The following KIAA1217 variants were observed in gnomAD, a reference collection of about 807,000 sequenced individuals.
KIAA1217 encodes sickle tail protein homolog.
A neutral mutation model predicts 163.9 loss-of-function variants in KIAA1217; 88 were observed. The observed-to-expected ratio is 0.54, with a 90% CI of 0.45 to 0.64. KIAA1217 has a LOEUF of 0.64. Among genes scored for constraint, KIAA1217 ranks in the 30% least tolerant of loss-of-function variants. KIAA1217 has a pLI of 0.00. For synonymous variants in KIAA1217, 903 were observed against 923.1 expected, an observed-to-expected ratio of 0.98 and a Z score of 0.39; for missense variants, 2,372 against 2,475.0, an observed-to-expected ratio of 0.96 and a Z score of 0.88.
At chr10:23,733,321 A>C (rs1564375038) in intron 1 of KIAA1217, among the ~76,000 whole-genome samples, 1 of 152,160 alleles carries the variant, frequency 6.6e-6, no homozygotes, top group Non-Finnish European at 1.5e-5. Context: ...CCAAAATGTA[A>C]GAATATGTTT....
intron 2 of KIAA1217, among the ~76,000 whole-genome samples, chr10:24,354,394 C>T (rs1232131828): frequency 6.6e-6 from 1 of 152,128 alleles, no homozygotes; most frequent in East Asian, 1.9e-4. Context: ...GGACTCTGGC[C>T]CCACAGTAGC....
Position 23,758,654 on chromosome 10 carries a change from CT to C in KIAA1217, c.-321+63421del, listed in dbSNP as rs1426584002. ...TCTCTCTCTCTCTCTCTCCCCCTCC[CT>C]CCCTCCCTCCCCCTTTTTCTTTCTT... On this transcript the variant is annotated intron_variant, in intron 1 of 18. Coordinates refer to the KIAA1217 transcript ENST00000376462. 1.7e-4 allele frequency among the ~76,000 whole-genome samples: 23 copies of C among 132,672 alleles called. No individual in the cohort carries two copies. The South Asian group carries it at 2.9e-3, about 17-fold the overall frequency. The allele number at this position is 132,672 out of a possible 152,430, so 87.0% of individuals were successfully genotyped here.
intron 2 of KIAA1217, among the ~76,000 whole-genome samples, chr10:24,346,453 C>CAGAGCG (rs2047782555): frequency 1.3e-5 from 2 of 151,474 alleles, no homozygotes; most frequent in African/African-American, 4.9e-5. Flanking sequence ...GCCTGGGGGA[C>CAGAGCG]AGAGCGAGAC....
chr10:24,035,268 A>G (rs1355771251), intron 2 of KIAA1217, among the ~76,000 whole-genome samples: 1 of 152,210 alleles, frequency 6.6e-6, no homozygotes, highest in Non-Finnish European at 1.5e-5. Context: ...AGTGTTGGGC[A>G]TATAGTAAGT....
chr10:24,067,158 C>G (rs910315555), intron 2 of KIAA1217, among the ~76,000 whole-genome samples: 2 of 152,196 alleles, frequency 1.3e-5, no homozygotes, highest in African/African-American at 4.8e-5. Flanking sequence ...AAGTCATTCC[C>G]CGTCCAGCTT....
chr10:23,951,391 C>T (rs898632728), intron 1 of KIAA1217, among the ~76,000 whole-genome samples: 8 of 152,142 alleles, frequency 5.3e-5, no homozygotes, highest in African/African-American at 1.7e-4. Context: ...CAGGGGCTCA[C>T]GCCTGTAATC....
chr10:23,906,391 G>A (rs1842165668), intron 1 of KIAA1217, among the ~76,000 whole-genome samples: 1 of 152,090 alleles, frequency 6.6e-6, no homozygotes, highest in Non-Finnish European at 1.5e-5. Flanking sequence ...ATCCAAATGT[G>A]AAATGGAATG....
chr10:23,736,816 G>T (rs892645370), intron 1 of KIAA1217, among the ~76,000 whole-genome samples: 1 of 151,996 alleles, frequency 6.6e-6, no homozygotes, highest in Non-Finnish European at 1.5e-5. Context: ...ATGGGCCACC[G>T]CACCCGGCCT....
At chr10:23,699,007 T>A (rs1836230220) in intron 1 of KIAA1217, among the ~76,000 whole-genome samples, 1 of 152,214 alleles carries the variant, frequency 6.6e-6, no homozygotes, top group South Asian at 2.1e-4. Flanking sequence ...CTTACAGGCA[T>A]GAGCCACTGC....
At chr10:23,749,833 A>G (rs971236138) in intron 1 of KIAA1217, among the ~76,000 whole-genome samples, 7 of 152,222 alleles carry the variant, frequency 4.6e-5, no homozygotes, top group African/African-American at 2.4e-5. Context: ...TGTGAGGTCC[A>G]GACAGTTATC....
intron 1 of KIAA1217, among the ~76,000 whole-genome samples, chr10:23,906,022 A>G (rs1938045): frequency 0.45 from 68,616 of 151,936 alleles, 19,487 homozygotes; most frequent in African/African-American, 0.81. Flanking sequence ...CTGATTCCAC[A>G]ATGGCCATCT....
chr10:24,122,629 G>C (rs955863826), intron 2 of KIAA1217, among the ~76,000 whole-genome samples: 24 of 151,996 alleles, frequency 1.6e-4, no homozygotes, highest in African/African-American at 5.8e-4. Flanking sequence ...GAATGGATTT[G>C]GGATCATCTT....
chr10:24,066,392 G>T (rs1011213250), intron 2 of KIAA1217, among the ~76,000 whole-genome samples: 23 of 152,188 alleles, frequency 1.5e-4, no homozygotes, highest in African/African-American at 4.3e-4. Flanking sequence ...TATATCTCCT[G>T]CACTTATGAA....
At chr10:23,804,683 A>G (rs749481065) in intron 1 of KIAA1217, among the ~76,000 whole-genome samples, 6 of 152,322 alleles carry the variant, frequency 3.9e-5, no homozygotes, top group Admixed American at 6.5e-5. Flanking sequence ...TGTCTGAAGT[A>G]TATATGCTTT....
intron 2 of KIAA1217, among the ~76,000 whole-genome samples, chr10:24,032,371 C>T (rs1374133589): frequency 1.3e-5 from 2 of 151,786 alleles, no homozygotes; most frequent in Non-Finnish European, 2.9e-5. Context: ...GCATTCTTCC[C>T]ACCTCAGCCT....
At chr10:24,282,050 C>T (rs912192675) in intron 2 of KIAA1217, among the ~76,000 whole-genome samples, 12 of 151,736 alleles carry the variant, frequency 7.9e-5, no homozygotes, top group East Asian at 7.7e-4. Flanking sequence ...GAGCGAGACT[C>T]CATCTCAACA....
chr10:24,510,147 G>A (rs1246758079), intron 9 of KIAA1217, among the ~76,000 whole-genome samples: 1 of 152,072 alleles, frequency 6.6e-6, no homozygotes, highest in Admixed American at 6.5e-5. Context: ...TTGGGGTGGT[G>A]GGGAAATTGA....
At position 24,293,211 on chromosome 10, in the gene KIAA1217, T is replaced by TTTG. The variant is rs566985954; in HGVS notation, c.354+73317_354+73319dup. On this transcript the variant is annotated intron_variant, in intron 2 of 20. Transcript: ENST00000376454. Reference sequence around the variant, plus strand: ...GCATGTGCCACCATGCCCGGCTAATTTTGTTGTTGTTGTTGTTTGTTTTGT... The same window carrying TTTG: ...GCATGTGCCACCATGCCCGGCTAATTTTGTTGTTGTTGTTGTTGTTTGTTTTGT... 9.9e-5 allele frequency among the ~76,000 whole-genome samples: 15 copies of TTTG among 151,992 alleles called. No homozygotes were observed. In the South Asian group the frequency reaches 1.2e-3, roughly 13 times the overall value.
chr10:24,457,553 G>A (rs78462620), intron 5 of KIAA1217, among the ~76,000 whole-genome samples: 11,684 of 152,056 alleles, frequency 0.077, 629 homozygotes, highest in East Asian at 0.18. Flanking sequence ...GCACCACCAT[G>A]CCTGGCTAAT....
Sources: allele counts gnomAD v4.1 joint callset (sites outside exome capture counted in the v4.1 genomes callset), GRCh38; gene constraint gnomAD v4.1.1; transcripts MANE v1.5; gene names NCBI Gene and HGNC (gene_info 2026-07-23, HGNC 2026-07-21).